The following RBFOX1 variants were observed in gnomAD, a reference collection of about 807,000 sequenced individuals.
The protein encoded by RBFOX1 is RNA binding fox-1 homolog 1, also known as RNA binding protein fox-1 homolog 1.
Under a neutral mutation model 57.7 loss-of-function variants are expected in RBFOX1, and 8 were observed. That is an observed-to-expected ratio of 0.14 (90% CI 0.08 to 0.25). The LOEUF (loss-of-function observed/expected upper bound fraction) is 0.25. Among genes scored for constraint, RBFOX1 ranks in the 10% least tolerant of loss-of-function variants. The pLI is 1.00. For synonymous variants in RBFOX1, 326 were observed against 222.4 expected, an observed-to-expected ratio of 1.47 and a Z score of -4.15; for missense variants, 611 against 548.5, an observed-to-expected ratio of 1.11 and a Z score of -1.14.
Position 6,599,984 on chromosome 16 carries a change from T to G in RBFOX1, c.-63-54619T>G, listed in dbSNP as rs544048896. On this transcript the variant is annotated intron_variant, in intron 2 of 15. Transcript: ENST00000550418. ...AACTCACAGTAAGGTATGCAACATG[T>G]TGTCCTATTGCCATCTTCTTCCCAA... 6.6e-5 allele frequency among the ~76,000 whole-genome samples: 10 copies of G among 152,274 alleles called. No homozygotes were observed. In the South Asian group the frequency reaches 2.1e-3, roughly 32 times the overall value.
At chr16:6,901,101 T>A (rs1314293891) in intron 3 of RBFOX1, among the ~76,000 whole-genome samples, 1 of 152,188 alleles carries the variant, frequency 6.6e-6, no homozygotes, top group Non-Finnish European at 1.5e-5. Context: ...CACCCTGTAT[T>A]GTAAATTTCC....
chr16:6,958,630 G>T (rs1415105033), intron 3 of RBFOX1, among the ~76,000 whole-genome samples: 3 of 152,156 alleles, frequency 2.0e-5, no homozygotes, highest in Non-Finnish European at 2.9e-5. Context: ...GGGATGTGAT[G>T]CTATTGGCTA....
At chr16:5,585,216 T>C (rs1235350111) in intron 2 of RBFOX1, among the ~76,000 whole-genome samples, 4 of 152,206 alleles carry the variant, frequency 2.6e-5, no homozygotes, top group Admixed American at 2.0e-4. Context: ...TTTCTGTCTC[T>C]ACAGGATTGC....
At chr16:5,529,022 C>T (rs1423695325) in intron 2 of RBFOX1, among the ~76,000 whole-genome samples, 1 of 152,010 alleles carries the variant, frequency 6.6e-6, no homozygotes, top group East Asian at 1.9e-4. Flanking sequence ...TAACCACTGG[C>T]TCTCTCCCTT....
chr16:7,510,998 G>A (rs1000680051), intron 4 of RBFOX1, among the ~76,000 whole-genome samples: 1 of 152,190 alleles, frequency 6.6e-6, no homozygotes, highest in Non-Finnish European at 1.5e-5. Flanking sequence ...TGCAGAAAGG[G>A]AGGGTGTGCT....
intron 2 of RBFOX1, among the ~76,000 whole-genome samples, chr16:6,488,521 G>A (rs1039897970): frequency 6.6e-6 from 1 of 152,156 alleles, no homozygotes; most frequent in Admixed American, 6.5e-5. Context: ...GTATTACCAT[G>A]CCTAATTTAG....
chr16:7,690,413 AT>A (rs1187739869), intron 14 of RBFOX1, among the ~76,000 whole-genome samples: 1 of 152,100 alleles, frequency 6.6e-6, no homozygotes, highest in Non-Finnish European at 1.5e-5. Flanking sequence ...GTAACCAGAA[AT>A]TTTTAGAAGT....
intron 3 of RBFOX1, among the ~76,000 whole-genome samples, chr16:6,909,104 G>A (rs912150734): frequency 6.6e-6 from 1 of 152,238 alleles, no homozygotes; most frequent in Admixed American, 6.5e-5. Flanking sequence ...TGCAGTTCTG[G>A]AGGTCAGAAG....
At position 7,304,577 on chromosome 16, in the gene RBFOX1, T is replaced by G. The variant is rs543127963; in HGVS notation, c.28-213570T>G. The G allele has an allele frequency of 9.3e-4, 917 of 985,224 alleles. 2 individuals carry two copies. The African/African-American group carries it at 0.015, about 16-fold the overall frequency. 61.0% of individuals were successfully genotyped at this position (985,224 alleles called of 1,614,324 possible). A position where few individuals can be genotyped will look rare whatever the true frequency, so the allele number is the denominator to read the frequency against. ...CTGGGCTGCGCTTCGGTGCCTTATG[T>G]AGGTTCTGAGGAGGGGGCTCCCGCG... On this transcript the variant is annotated intron_variant, in intron 4 of 15. Coordinates refer to ENST00000550418, the MANE Select transcript of RBFOX1 (RefSeq NM_018723.4).
At chr16:5,488,125 A>C (rs758004012) in intron 2 of RBFOX1, among the ~76,000 whole-genome samples, 3 of 134,834 alleles carry the variant, frequency 2.2e-5, no homozygotes, top group Non-Finnish European at 4.7e-5. Context: ...GATGATGATG[A>C]TAATGGAAGA....
Position 7,710,705 on chromosome 16 carries a change from G to T in RBFOX1, c.1154G>T (p.Ser385Ile), listed in dbSNP as rs1414322007. Residue 385 changes from serine to isoleucine, a missense_variant, in exon 16 of 16, where the codon AGT (serine) becomes ATT (isoleucine). Physicochemically the swap from Ser to Ile is moderately radical, Grantham distance 142. Coordinates refer to ENST00000550418, the MANE Select transcript of RBFOX1 (RefSeq NM_018723.4). ...CTCGTTCTTTCTTCATTGCAGGCTA[G>T]TATATACCGAGGGGGATACAACCGT... ...VGLVLSSLQA[S>I]IYRGGYNRFA... 6.2e-7 allele frequency: 1 copy of T among 1,611,156 alleles called. No individual in the cohort carries two copies.
At chr16:6,413,777 G>A (rs927423739) in intron 2 of RBFOX1, among the ~76,000 whole-genome samples, 2 of 152,124 alleles carry the variant, frequency 1.3e-5, no homozygotes, top group Non-Finnish European at 2.9e-5. Context: ...GTATTTCTCA[G>A]TCTCTCATCT....
At chr16:5,975,722 T>C (rs930695845) in intron 4 of RBFOX1, among the ~76,000 whole-genome samples, 2 of 152,224 alleles carry the variant, frequency 1.3e-5, no homozygotes, top group Non-Finnish European at 2.9e-5. Flanking sequence ...GTCAAAATGC[T>C]TGGGGTTGCA....
At chr16:5,302,214 A>G (rs2063823122) in intron 1 of RBFOX1, among the ~76,000 whole-genome samples, 1 of 152,178 alleles carries the variant, frequency 6.6e-6, no homozygotes, top group Admixed American at 6.5e-5. Context: ...GAAGTGAGTT[A>G]TTTAATTTCT....
chr16:6,467,612 A>G (rs994213770), intron 2 of RBFOX1, among the ~76,000 whole-genome samples: 8 of 152,158 alleles, frequency 5.3e-5, no homozygotes, highest in African/African-American at 9.7e-5. Flanking sequence ...GTTGTTTCCT[A>G]TTAAAAGGAA....
intron 4 of RBFOX1, among the ~76,000 whole-genome samples, chr16:5,905,409 C>T (rs563247276): frequency 6.6e-6 from 1 of 152,102 alleles, no homozygotes; most frequent in East Asian, 1.9e-4. Context: ...TAGAGGGAAG[C>T]CCATGTGAAG....
chr16:6,638,498 C>T (rs946568882), intron 2 of RBFOX1, among the ~76,000 whole-genome samples: 8 of 152,086 alleles, frequency 5.3e-5, no homozygotes, highest in East Asian at 3.9e-4. Context: ...ATAAAATATG[C>T]TTCTGGCATA....
chr16:5,278,454 T>C (rs1226706218), intron 1 of RBFOX1, among the ~76,000 whole-genome samples: 1 of 152,232 alleles, frequency 6.6e-6, no homozygotes, highest in Admixed American at 6.5e-5. Context: ...CCGGCTGGTA[T>C]TGCCTAGGTC....
At chr16:6,211,989 A>C (rs2152854234) in intron 1 of RBFOX1, among the ~76,000 whole-genome samples, 1 of 152,180 alleles carries the variant, frequency 6.6e-6, no homozygotes, top group South Asian at 2.1e-4. Flanking sequence ...AGCTAGGATT[A>C]CAGGCACACA....
Sources: gnomAD v4.1 joint callset for allele counts (sites outside exome capture counted in the v4.1 genomes callset) on GRCh38, gnomAD v4.1.1 for gene constraint, MANE v1.5 for transcripts, NCBI Gene and HGNC (gene_info 2026-07-23, HGNC 2026-07-21) for gene names.